The following SETD1B variants were observed in gnomAD, a reference collection of about 807,000 sequenced individuals.
SETD1B encodes the protein histone-lysine N-methyltransferase SETD1B.
In SETD1B, 7 loss-of-function variants were observed where a neutral mutation model predicts 148.0. The observed-to-expected ratio is 0.05, with a 90% CI of 0.03 to 0.09. SETD1B has a LOEUF of 0.09. Ranked by LOEUF, SETD1B falls within the 10% of genes least tolerant of loss-of-function variation. SETD1B has a pLI of 1.00. For synonymous variants in SETD1B, 1,361 were observed against 1,186.5 expected (o/e 1.15, Z -3.02); for missense variants, 2,155 against 2,729.9 (o/e 0.79, Z 4.69).
chr12:121,816,927 G>A, intron 7 of SETD1B, 106 bp from the exon 8 acceptor site: 2 of 989,014 alleles, frequency 2.0e-6, no homozygotes, highest in Non-Finnish European at 1.4e-6. Context: ...GCAGTTACCT[G>A]TGGTGGCTGT....
Position 121,804,978 on chromosome 12 carries a change from A to G in SETD1B, c.174+67A>G, listed in dbSNP as rs1240519367. 1 of 1,466,134 alleles carries G rather than the reference A, an allele frequency of 6.8e-7. No homozygotes were observed. Among genetic ancestry groups the G allele is most frequent in the African/African-American group, 1.4e-5 (1 of 70,552 alleles). 90.8% of individuals were successfully genotyped at this position (1,466,134 alleles called of 1,614,324 possible). ...GTCCGGGGAGACGCGCCTAGCGGCC[A>G]GGGACCCCCCGCCCGATCCCCCGGC... On this transcript the variant is annotated intron_variant, in intron 2 of 16. Coordinates refer to ENST00000604567, the MANE Select transcript of SETD1B (RefSeq NM_001353345.2). This position sits in a 1 kb window ranked among gnomAD's most constrained non-coding sequence, Gnocchi z 4.6.
chr12:121,831,771 G>A lies in SETD1B; in HGVS notation c.*1532G>A, dbSNP rs1035381499. 1.3e-5 allele frequency: 2 copies of A among 152,250 alleles called. No homozygotes were observed. Among genetic ancestry groups the A allele is most frequent in the Non-Finnish European group, 2.9e-5 (2 of 68,044 alleles). The allele number at this position is 152,250 out of a possible 1,614,324, so 9.4% of individuals were successfully genotyped here. On this transcript the variant is annotated 3_prime_UTR_variant, in exon 17 of 17. Coordinates refer to ENST00000604567, the MANE Select transcript of SETD1B (RefSeq NM_001353345.2). ...ATGAGGGAGCTGCTCCCACCCTGCG[G>A]ACGCAGGCGGCCGGAGCCTCTGGTA...
rs183870816 is a variant in SETD1B, at chr12:121,811,039, C to T, written c.1890+204C>T. On this transcript the variant is annotated intron_variant, in intron 6 of 16. Transcript: ENST00000604567. ...ATTGAGCAATTGGTTTGGCAATGAG[C>T]TCCCTAGCAGCCGTGGAGAGAAGGA... Among the ~76,000 whole-genome samples the T allele has an allele frequency of 3.7e-3, 559 of 152,356 alleles. 2 individuals carry two copies. Among genetic ancestry groups the T allele is most frequent in the Admixed American group, 6.1e-3 (94 of 15,304 alleles).
At chr12:121,818,582 A>AT (rs1462427471) in intron 10 of SETD1B, among the ~76,000 whole-genome samples, 1 of 149,270 alleles carries the variant, frequency 6.7e-6, no homozygotes, top group Non-Finnish European at 1.5e-5. Context: ...AATAAATAAA[A>AT]TTTTTTTTAC....
At position 121,810,345 on chromosome 12, in the gene SETD1B, G is replaced by A. The variant is rs747773569; in HGVS notation, c.1400G>A (p.Arg467Gln). Residue 467 changes from arginine (R) to glutamine (Q), a missense_variant, in exon 6 of 17, where the codon CGG becomes CAG. Physicochemically the swap from Arg to Gln is conservative, Grantham distance 43. Around this residue, in one of 11 missense-constraint regions of SETD1B, gnomAD observed 376 missense variants for 385.0 expected, o/e 0.98. Transcript: ENST00000604567. This position sits in a 1 kb window ranked among gnomAD's most constrained non-coding sequence, Gnocchi z 7.6. Reference protein sequence around the residue: ...PDTNSMELGGRPTFGWSPEPC... With the variant: ...PDTNSMELGGQPTFGWSPEPC... ...ACCAACAGCATGGAGCTGGGCGGCC[G>A]GCCCACCTTCGGCTGGAGTCCTGAG... is the stretch of plus-strand genomic sequence containing the variant. 21 of 1,546,178 alleles carry A rather than the reference G, an allele frequency of 1.4e-5. No homozygotes were observed. Among genetic ancestry groups the A allele is most frequent in the Non-Finnish European group, 1.7e-5 (19 of 1,146,710 alleles).
chr12:121,823,309 CG>C lies in SETD1B; in HGVS notation c.4734del (p.Ile1579SerfsTer21). The C allele has an allele frequency of 6.5e-7, 1 of 1,547,998 alleles. No homozygotes were observed. ...ACGGTGACCCTGGACTTCCGGAACG[CG>C]GGGATCCCAGCCCCTCCACCACCCC... ...PRTVTLDFRN[A>X]GIPAPPPPLP... On this transcript the variant is annotated frameshift_variant, in exon 12 of 17. Transcript: ENST00000604567. LOFTEE classifies it high-confidence loss of function.
the SETD1B span, chr12:121,793,745 C>A: frequency 1.0e-6 from 1 of 990,802 alleles, no homozygotes; most frequent in South Asian, 2.1e-5. Context: ...GCGCCGCCTC[C>A]GCCAGGCAGC....
the SETD1B span, among the ~76,000 whole-genome samples, chr12:121,791,316 G>C: frequency 1.3e-5 from 2 of 152,150 alleles, no homozygotes; most frequent in East Asian, 3.8e-4. Flanking sequence ...AGTAGAGATG[G>C]GGTTTCACCA....
chr12:121,830,164 C>T lies in SETD1B; in HGVS notation c.5826C>T (p.Asp1942=). 6.4e-7 allele frequency: 1 copy of T among 1,551,554 alleles called. No individual in the cohort carries two copies. The highest frequency in any genetic ancestry group is 1.2e-5 in the South Asian group (1 of 84,062). The change falls in exon 17 of 17, where the codon GAC becomes GAT. Residue 1942 remains aspartate (D), a synonymous_variant. Coordinates refer to ENST00000604567, the MANE Select transcript of SETD1B (RefSeq NM_001353345.2). This position sits in a 1 kb window ranked among gnomAD's most constrained non-coding sequence, Gnocchi z 5.7. The part of the protein sequence containing the change: ...HINVNEEITY[D]YKFPIEDVKI... ...ACGTCAATGAGGAGATTACCTATGA[C>T]TATAAGTTCCCCATCGAGGACGTCA... is the stretch of plus-strand genomic sequence containing the variant.
intron 12 of SETD1B, 32 bp from the exon 13 acceptor site, chr12:121,825,168 G>A (rs1024452627): frequency 8.4e-6 from 13 of 1,548,482 alleles, no homozygotes; most frequent in African/African-American, 5.5e-5. Flanking sequence ...GGGGCTCTCA[G>A]AATGTCCATG....
chr12:121,792,342 A>G, the SETD1B span, among the ~76,000 whole-genome samples: 13 of 152,318 alleles, frequency 8.5e-5, no homozygotes, highest in East Asian at 1.7e-3. Context: ...CCCAATGTTG[A>G]TGAAGCCCAG....
Position 121,808,615 on chromosome 12 carries a change from G to A in SETD1B, c.657+295G>A, listed in dbSNP as rs938854394. On this transcript the variant is annotated intron_variant, in intron 5 of 16. Coordinates refer to ENST00000604567, the MANE Select transcript of SETD1B (RefSeq NM_001353345.2). This position sits in a 1 kb window ranked among gnomAD's most constrained non-coding sequence, Gnocchi z 5.3. ...TGTGATTCCCACAGACCCAGAGCCT[G>A]CCCTGGCCCGCTTTTCCACGTTGAT... 1.3e-5 allele frequency among the ~76,000 whole-genome samples: 2 copies of A among 152,232 alleles called. No homozygotes were observed. Among genetic ancestry groups the A allele is most frequent in the African/African-American group, 4.8e-5 (2 of 41,446 alleles).
At position 121,809,730 on chromosome 12, in the gene SETD1B, G is replaced by A. The variant is rs1592976488; in HGVS notation, c.785G>A (p.Arg262His). ...CAGGACACAGCTTATTCCAGCTGCC[G>A]CCTGGACACACCCAACTCCTATGGA... is the stretch of plus-strand genomic sequence containing the variant. ...FSQDTAYSSC[R>H]LDTPNSYGQG... Residue 262 changes from arginine (R) to histidine (H), a missense_variant, in exon 6 of 17, where the codon CGC becomes CAC. Coordinates refer to ENST00000604567, the MANE Select transcript of SETD1B (RefSeq NM_001353345.2). The A allele has an allele frequency of 1.3e-6, 2 of 1,551,432 alleles. No homozygotes were observed. The highest frequency in any genetic ancestry group is 1.7e-6 in the Non-Finnish European group (2 of 1,146,966).
Position 121,832,114 on chromosome 12 carries a change from A to G in SETD1B, c.*1875A>G, listed in dbSNP as rs1435690114. ...GTAGCTTGTAGAGACGGCTGATTCA[A>G]GTTACATGTACAGCCTCCAAAGGGC... is the stretch of plus-strand genomic sequence containing the variant. On this transcript the variant is annotated 3_prime_UTR_variant, in exon 17 of 17. Coordinates refer to ENST00000604567, the MANE Select transcript of SETD1B (RefSeq NM_001353345.2). 1 of 152,132 alleles carries G rather than the reference A, an allele frequency of 6.6e-6. No individual in the cohort carries two copies. The highest frequency in any genetic ancestry group is 1.5e-5 in the Non-Finnish European group (1 of 68,028). 9.4% of individuals were successfully genotyped at this position (152,132 alleles called of 1,614,324 possible).
In SETD1B at chr12:121,822,376, G is replaced by T. The variant is rs1285026510; in HGVS notation, c.3911-114G>T. On this transcript the variant is annotated intron_variant, in intron 11 of 16. Coordinates refer to ENST00000604567, the MANE Select transcript of SETD1B (RefSeq NM_001353345.2). ...GAGGGGTTTAGCTGGAGAAGGACAG[G>T]TCCCGTGCTCAGACTCAGGGCTGTG... 3.2e-6 allele frequency: 4 copies of T among 1,269,338 alleles called. No homozygotes were observed. In the Admixed American group the frequency reaches 1.1e-4, roughly 35 times the overall value. The allele number at this position is 1,269,338 out of a possible 1,614,324, so 78.6% of individuals were successfully genotyped here.
rs1447212365 is a variant in SETD1B, at chr12:121,810,881, T to G, written c.1890+46T>G. 4 of 1,449,874 alleles carry G rather than the reference T, an allele frequency of 2.8e-6. No individual in the cohort carries two copies. The highest frequency in any genetic ancestry group is 3.7e-6 in the Non-Finnish European group (4 of 1,095,828). 89.8% of individuals were successfully genotyped at this position (1,449,874 alleles called of 1,614,324 possible). On this transcript the variant is annotated intron_variant, in intron 6 of 16. Coordinates refer to ENST00000604567, the MANE Select transcript of SETD1B (RefSeq NM_001353345.2). The surrounding 1 kb of genome is among the most constrained non-coding windows in gnomAD (Gnocchi z 7.6). ...CTGTCTGGGACTGGTTTTGTCTATC[T>G]TGTATCTCCCTTTCCCCCTTCAAGC...
intron 10 of SETD1B, among the ~76,000 whole-genome samples, chr12:121,819,032 G>A (rs1876437657): frequency 6.6e-6 from 1 of 152,024 alleles, no homozygotes; most frequent in Non-Finnish European, 1.5e-5. Context: ...ATCACCTGAG[G>A]TCAGGAGTTT....
intron 11 of SETD1B, among the ~76,000 whole-genome samples, chr12:121,820,995 G>A (rs1008708909): frequency 2.0e-5 from 3 of 152,220 alleles, no homozygotes; most frequent in South Asian, 2.1e-4. Flanking sequence ...TCGCCTATAC[G>A]TGGGTTCTGC....
the SETD1B span, among the ~76,000 whole-genome samples, chr12:121,796,955 T>C: frequency 4.6e-5 from 7 of 151,572 alleles, no homozygotes; most frequent in Admixed American, 6.6e-5. Context: ...GAGAATCGCT[T>C]GAACCCTGGA....
Sources: allele counts gnomAD v4.1 joint callset (sites outside exome capture counted in the v4.1 genomes callset), GRCh38; gene constraint gnomAD v4.1.1; regional missense constraint gnomAD v4.1.1; non-coding constraint Gnocchi (gnomAD v3.1); transcripts MANE v1.5; gene names NCBI Gene and HGNC (gene_info 2026-07-23, HGNC 2026-07-21).